Variants in ARHGEF10 observed in about 807,000 individuals in gnomAD.
ARHGEF10 encodes Rho guanine nucleotide exchange factor (GEF) 10.
A neutral mutation model predicts 147.4 loss-of-function variants in ARHGEF10; 140 were observed. The ratio of observed to expected loss-of-function variants is 0.95; its 90% CI spans 0.83 to 1.09. ARHGEF10 has a LOEUF of 1.09. Ranked by LOEUF, ARHGEF10 falls within the 50% of genes least tolerant of loss-of-function variation. The pLI, the probability that ARHGEF10 is intolerant of heterozygous loss-of-function variation, is 0.00. For synonymous variants in ARHGEF10, 902 were observed against 695.8 expected, an observed-to-expected ratio of 1.30 and a Z score of -4.67; for missense variants, 2,222 against 1,752.7, an observed-to-expected ratio of 1.27 and a Z score of -4.78.
At chr8:1,862,540 C>A (rs1346160629) in intron 4 of ARHGEF10, among the ~76,000 whole-genome samples, 3 of 152,190 alleles carry the variant, frequency 2.0e-5, no homozygotes, top group Non-Finnish European at 4.4e-5. Context: ...TCAGTTTGCA[C>A]CTTAATTTCC....
At chr8:1,904,658 G>C (rs1009298753) in intron 16 of ARHGEF10, among the ~76,000 whole-genome samples, 1 of 152,174 alleles carries the variant, frequency 6.6e-6, no homozygotes, top group African/African-American at 2.4e-5. Flanking sequence ...ATGATGCTTC[G>C]CACTGAATGT....
intron 18 of ARHGEF10, among the ~76,000 whole-genome samples, chr8:1,915,143 T>C (rs1811662821): frequency 6.6e-6 from 1 of 152,150 alleles, no homozygotes; most frequent in African/African-American, 2.4e-5. Context: ...AACATCTGTA[T>C]GCTGAGAAAG....
chr8:1,858,077 C>G lies in ARHGEF10; in HGVS notation c.155C>G (p.Thr52Arg), dbSNP rs1263546849. ...ADRQAPSAPE[T>R]GGAGASEAPA... ...AGACAGGCCCCATCCGCCCCTGAGA[C>G]AGGAGGTGCTGGAGCCAGTGAAGCC... Residue 52 changes from threonine (T) to arginine (R), a missense_variant, in exon 3 of 29, where the codon ACA becomes AGA. By Grantham distance (71) the Thr-to-Arg change is moderately conservative. Transcript: ENST00000349830. 1.2e-6 allele frequency: 2 copies of G among 1,614,038 alleles called. No homozygotes were observed. The highest frequency in any genetic ancestry group is 1.3e-5 in the African/African-American group (1 of 74,934).
chr8:1,875,726 C>T (rs920802529), intron 7 of ARHGEF10, among the ~76,000 whole-genome samples: 2 of 152,162 alleles, frequency 1.3e-5, no homozygotes, highest in Admixed American at 6.5e-5. Context: ...TTGTAAGTGA[C>T]AAGTTCATGT....
At chr8:1,835,667 C>T (rs1467690328) in intron 1 of ARHGEF10, among the ~76,000 whole-genome samples, 1 of 152,188 alleles carries the variant, frequency 6.6e-6, no homozygotes, top group Non-Finnish European at 1.5e-5. Flanking sequence ...CTTTTGCAGG[C>T]CTGGGCACAC....
In ARHGEF10 at chr8:1,858,012, G is replaced by A; in HGVS notation, c.90G>A (p.Gln30=). The A allele has an allele frequency of 1.2e-6, 2 of 1,614,150 alleles. No individual in the cohort carries two copies. The highest frequency in any genetic ancestry group is 1.7e-6 in the Non-Finnish European group (2 of 1,180,016). Residue 30 remains glutamine, a synonymous_variant, in exon 3 of 29, where the codon CAG becomes CAA. Transcript: ENST00000349830. ...TNNNEEEEGE[Q]FDFDSGDEIP... is the part of the protein sequence containing the mutation. ...ATAATGAAGAGGAAGAGGGAGAACAGTTCGATTTTGACAGTGGAGATGAAA... is the reference window on the plus strand; with the variant it reads ...ATAATGAAGAGGAAGAGGGAGAACAATTCGATTTTGACAGTGGAGATGAAA...
intron 17 of ARHGEF10, 58 bp downstream of exon 17, chr8:1,905,774 A>G: frequency 6.3e-7 from 1 of 1,598,844 alleles, no homozygotes; most frequent in Non-Finnish European, 8.5e-7. Context: ...CCTTTGCCTA[A>G]GGGCACATGC....
rs192776803 is a variant in ARHGEF10 at position 1,827,341 on chromosome 8, A to G, written c.-48+3228A>G. ...ATCTTTTTTTTTGAAATGGAGTATC[A>G]CTCTGTTGCCCAGGCTGGAGTGCAG... is the stretch of plus-strand genomic sequence containing the variant. On this transcript the variant is annotated intron_variant, in intron 1 of 28. Transcript: ENST00000349830. Among the ~76,000 whole-genome samples the G allele has an allele frequency of 3.3e-5, 5 of 151,934 alleles. No homozygotes were observed. In the East Asian group the frequency reaches 9.6e-4, roughly 29 times the overall value.
At chr8:1,852,493 G>A (rs954556190) in intron 2 of ARHGEF10, among the ~76,000 whole-genome samples, 2 of 139,416 alleles carry the variant, frequency 1.4e-5, no homozygotes, top group African/African-American at 5.5e-5. Flanking sequence ...GAGGACCGGG[G>A]AGCAGCACCG....
rs191111581 is a variant in ARHGEF10, at chr8:1,913,813, A to G, written c.2143+4343A>G. On this transcript the variant is annotated intron_variant, in intron 18 of 28. Transcript: ENST00000349830. The stretch of plus-strand genomic sequence containing the variant: ...GTGCTTCTGTACAGTTGAGCTGGAT[A>G]TGGCGGTTGGTACAGGAGGATTTGT... Among the ~76,000 whole-genome samples the G allele has an allele frequency of 3.3e-3, 495 of 152,306 alleles. 2 individuals carry two copies. Among genetic ancestry groups the G allele is most frequent in the African/African-American group, 0.011 (457 of 41,560 alleles).
At position 1,923,080 on chromosome 8, in the gene ARHGEF10, G is replaced by T; in HGVS notation, c.2259+1G>T. 6.3e-7 allele frequency: 1 copy of T among 1,589,662 alleles called. No individual in the cohort carries two copies. The highest frequency in any genetic ancestry group is 8.6e-7 in the Non-Finnish European group (1 of 1,158,936). ...AGGAAACCTTAAAGGAAACTATCAG[G>T]TAACAATTGAAGCAATTGGATTTAA... is the stretch of plus-strand genomic sequence containing the variant. On this transcript the variant is annotated splice_donor_variant, in intron 19 of 28. Coordinates refer to ENST00000349830, the MANE Select transcript of ARHGEF10 (RefSeq NM_014629.4). LOFTEE classifies it high-confidence loss of function.
chr8:1,956,079 T>C (rs539139211), intron 28 of ARHGEF10, among the ~76,000 whole-genome samples: 42 of 152,354 alleles, frequency 2.8e-4, no homozygotes, highest in African/African-American at 9.6e-4. Context: ...CCTGTCCATA[T>C]GTCATGTCAC....
At position 1,894,407 on chromosome 8, in the gene ARHGEF10, G is replaced by T; in HGVS notation, c.1275G>T (p.Pro425=). 5 of 1,614,152 alleles carry T rather than the reference G, an allele frequency of 3.1e-6. No individual in the cohort carries two copies. The highest frequency in any genetic ancestry group is 4.2e-6 in the Non-Finnish European group (5 of 1,180,024). The stretch of plus-strand genomic sequence containing the variant: ...TTTTGTCTTAGCAATATGAGAAGCC[G>T]CTGTCTGAGATGGAGCCAAAGGTTC... The part of the protein sequence containing the change: ...LKRILEQYEK[P]LSEMEPKVLS... The change falls in exon 13 of 29, where the codon CCG becomes CCT. Residue 425 remains proline, a synonymous_variant. Transcript: ENST00000349830.
intron 24 of ARHGEF10, 46 bp downstream of exon 24, chr8:1,928,696 A>G (rs200513465): frequency 6.9e-5 from 110 of 1,598,958 alleles, no homozygotes; most frequent in Middle Eastern, 5.9e-4. Flanking sequence ...AGCTCTGCCC[A>G]TGGAGGGCGT....
chr8:1,840,037 G>C (rs1254637951), intron 1 of ARHGEF10, among the ~76,000 whole-genome samples: 1 of 145,860 alleles, frequency 6.9e-6, no homozygotes, highest in Non-Finnish European at 1.5e-5. Context: ...TGTCCTGTGT[G>C]GAAGCTGTCC....
chr8:1,843,376 G>T lies in ARHGEF10; in HGVS notation c.-24G>T. 1 of 1,612,938 alleles carries T rather than the reference G, an allele frequency of 6.2e-7. No individual in the cohort carries two copies. The highest frequency in any genetic ancestry group is 1.1e-5 in the South Asian group (1 of 91,054). On this transcript the variant is annotated 5_prime_UTR_variant, in exon 2 of 29. Coordinates refer to ENST00000349830, the MANE Select transcript of ARHGEF10 (RefSeq NM_014629.4). The stretch of plus-strand genomic sequence containing the variant: ...AGGAGCTCCTTCCCTTAACAGAGCT[G>T]AGAGAGGCATCTGGAGCTGCAGCAT...
At chr8:1,939,294 T>C (rs779044923) in intron 26 of ARHGEF10, among the ~76,000 whole-genome samples, 3 of 152,220 alleles carry the variant, frequency 2.0e-5, no homozygotes, top group Non-Finnish European at 4.4e-5. Context: ...GTAATACCCA[T>C]ATAATCTGTC....
intron 24 of ARHGEF10, 35 bp from the exon 25 acceptor site, chr8:1,929,250 CA>C (rs1436971908): frequency 8.7e-6 from 14 of 1,609,086 alleles, no homozygotes; most frequent in Admixed American, 1.7e-5. Context: ...TTACAACGAG[CA>C]AATATATTTA....
chr8:1,922,916 A>G, intron 18 of ARHGEF10, 48 bp from the exon 19 acceptor site: 1 of 1,368,982 alleles, frequency 7.3e-7, no homozygotes. Context: ...TGGAGTAAAT[A>G]TGGCTTTACC....
Sources: allele counts gnomAD v4.1 joint callset (sites outside exome capture counted in the v4.1 genomes callset), GRCh38; gene constraint gnomAD v4.1.1; transcripts MANE v1.5; gene names NCBI Gene and HGNC (gene_info 2026-07-23, HGNC 2026-07-21).